TMEM108: variants seen among roughly 807,000 people sequenced by gnomAD.
TMEM108 encodes the protein transmembrane protein 108.
In TMEM108, 12 loss-of-function variants were observed where a neutral mutation model predicts 35.1. That is an observed-to-expected ratio of 0.34 (90% CI 0.22 to 0.55). The LOEUF (loss-of-function observed/expected upper bound fraction) is 0.55, where lower values mean the gene tolerates loss of function less well. TMEM108 is among the 20% of genes least tolerant of loss of function. The pLI, the probability that TMEM108 is intolerant of heterozygous loss-of-function variation, is 0.89. For synonymous variants in TMEM108, 287 were observed against 308.6 expected (o/e 0.93, Z 0.73); for missense variants, 680 against 753.3 (o/e 0.90, Z 1.14).
chr3:133,346,368 G>A lies in TMEM108; in HGVS notation c.41-33384G>A, dbSNP rs1039890260. Among the ~76,000 whole-genome samples, 5 of 152,006 alleles carry A rather than the reference G, an allele frequency of 3.3e-5. No individual in the cohort carries two copies. The highest frequency in any genetic ancestry group is 6.6e-5 in the Admixed American group (1 of 15,240). ...GGATTTTAGCCATTCTAATAGGTGT[G>A]TAGTGGTATCCCATTGTTGTTTTAA... On this transcript the variant is annotated intron_variant, in intron 3 of 5. Transcript: ENST00000321871. The surrounding 1 kb of genome is among the most constrained non-coding windows in gnomAD (Gnocchi z 4.0).
intron 4 of TMEM108, chr3:133,389,185 C>T (rs2073196602): frequency 1.0e-6 from 1 of 985,510 alleles, no homozygotes; most frequent in Non-Finnish European, 1.2e-6. Context: ...CAGAAGCCTT[C>T]CCTGCTCACA....
intron 1 of TMEM108, among the ~76,000 whole-genome samples, chr3:133,039,789 T>A (rs1943251018): frequency 6.6e-6 from 1 of 152,208 alleles, no homozygotes. Context: ...ACCTTGTCCC[T>A]TGGAGACATC....
intron 1 of TMEM108, chr3:133,041,892 A>G (rs916315515): frequency 6.6e-6 from 1 of 152,250 alleles, no homozygotes; most frequent in Admixed American, 6.5e-5. Flanking sequence ...TGAGAGTATT[A>G]GTAAAAATAA....
intron 2 of TMEM108, among the ~76,000 whole-genome samples, chr3:133,060,000 T>G (rs1943517698): frequency 6.6e-6 from 1 of 152,226 alleles, no homozygotes; most frequent in Non-Finnish European, 1.5e-5. Flanking sequence ...ACGTTAGCAT[T>G]TAAGCACATC....
intron 2 of TMEM108, among the ~76,000 whole-genome samples, chr3:133,163,329 A>G (rs1167455061): frequency 6.6e-6 from 1 of 152,200 alleles, no homozygotes; most frequent in Non-Finnish European, 1.5e-5. Context: ...AAGAGGCAGG[A>G]CAGAGTGGAA....
intron 2 of TMEM108, among the ~76,000 whole-genome samples, chr3:133,077,862 C>T (rs1469118464): frequency 1.3e-5 from 2 of 152,158 alleles, no homozygotes; most frequent in Admixed American, 1.3e-4. Flanking sequence ...TCCCTGAGCT[C>T]TTGCTCCCAG....
At chr3:133,085,573 C>A (rs1943871533) in intron 2 of TMEM108, among the ~76,000 whole-genome samples, 1 of 152,054 alleles carries the variant, frequency 6.6e-6, no homozygotes, top group Non-Finnish European at 1.5e-5. Context: ...ATGTTACAAT[C>A]AATTATAGTC....
intron 3 of TMEM108, among the ~76,000 whole-genome samples, chr3:133,345,120 AAACAC>A (rs1413110992): frequency 1.3e-5 from 2 of 151,872 alleles, no homozygotes; most frequent in Non-Finnish European, 3.0e-5. Flanking sequence ...TTGAAACCTT[AAACAC>A]ACACACATGC....
chr3:133,146,455 G>T (rs532198634), intron 2 of TMEM108, among the ~76,000 whole-genome samples: 2 of 152,190 alleles, frequency 1.3e-5, no homozygotes, highest in Non-Finnish European at 2.9e-5. Flanking sequence ...ACAGGTTTTG[G>T]TATCAGGATG....
intron 3 of TMEM108, among the ~76,000 whole-genome samples, chr3:133,375,131 T>A (rs1037232957): frequency 9.2e-5 from 14 of 152,254 alleles, no homozygotes; most frequent in Admixed American, 7.8e-4. Context: ...TTGAGCAGTG[T>A]ATAGTACATA....
intron 2 of TMEM108, among the ~76,000 whole-genome samples, chr3:133,145,307 T>G: frequency 6.6e-6 from 1 of 152,228 alleles, no homozygotes; most frequent in East Asian, 1.9e-4. Context: ...GCCTCTGTTT[T>G]GTTCCATTGG....
chr3:133,324,954 C>G lies in TMEM108; in HGVS notation c.41-54798C>G, dbSNP rs373571230. On this transcript the variant is annotated intron_variant, in intron 3 of 5. Coordinates refer to ENST00000321871, the MANE Select transcript of TMEM108 (RefSeq NM_023943.4). ...TCGCACCACTACACTCCAGCTTGGGCAACAGAGCAAGACTCCATCTCAGAA... is the reference window on the plus strand; with the variant it reads ...TCGCACCACTACACTCCAGCTTGGGGAACAGAGCAAGACTCCATCTCAGAA... 4.6e-5 allele frequency among the ~76,000 whole-genome samples: 7 copies of G among 152,150 alleles called. No individual in the cohort carries two copies. The East Asian group carries it at 1.4e-3, about 29-fold the overall frequency.
chr3:133,280,476 C>G (rs974466622), intron 3 of TMEM108, among the ~76,000 whole-genome samples: 4 of 152,236 alleles, frequency 2.6e-5, no homozygotes, highest in Admixed American at 1.3e-4. Context: ...CCCATTTTCC[C>G]ATTCCCTTCA....
chr3:133,381,297 C>A, intron 4 of TMEM108, 136 bp downstream of exon 4: 1 of 934,400 alleles, frequency 1.1e-6, no homozygotes, highest in Non-Finnish European at 1.6e-6. Flanking sequence ...AACTAGGTAT[C>A]AGGACAGGTT....
chr3:133,238,216 C>G (rs1053844548), intron 3 of TMEM108, among the ~76,000 whole-genome samples: 3 of 152,156 alleles, frequency 2.0e-5, no homozygotes, highest in African/African-American at 7.2e-5. Context: ...ATATTTAGCT[C>G]TGATTATACA....
chr3:133,380,178 C>T lies in TMEM108; in HGVS notation c.467C>T (p.Ala156Val), dbSNP rs754513900. 1.3e-5 allele frequency: 21 copies of T among 1,611,800 alleles called. No homozygotes were observed. Among genetic ancestry groups the T allele is most frequent in the Middle Eastern group, 1.6e-4 (1 of 6,072 alleles). Residue 156 changes from alanine (A) to valine (V), a missense_variant, in exon 4 of 6, where the codon GCG becomes GTG. Around this residue, in one of 3 missense-constraint regions of TMEM108, gnomAD observed 526 missense variants for 532.1 expected, o/e 0.99. Coordinates refer to ENST00000321871, the MANE Select transcript of TMEM108 (RefSeq NM_023943.4). This position sits in a 1 kb window ranked among gnomAD's most constrained non-coding sequence, Gnocchi z 5.3. ...PPGATSRPTT[A>V]PPRTTTRRPP... ...GGGGCCACCAGCCGCCCCACCACAGCGCCCCCCCGCACTACCACACGCAGG... is the reference window on the plus strand; with the variant it reads ...GGGGCCACCAGCCGCCCCACCACAGTGCCCCCCCGCACTACCACACGCAGG...
Position 133,203,882 on chromosome 3 carries a change from C to G in TMEM108, c.-46-25384C>G, listed in dbSNP as rs187108932. On this transcript the variant is annotated intron_variant, in intron 2 of 5. Transcript: ENST00000321871. ...TTCAGAAGGAATGGAAGCAGCTTTT[C>G]TTTATACCTCTGGTAAAATTCAGCT... 5.3e-5 allele frequency among the ~76,000 whole-genome samples: 8 copies of G among 152,264 alleles called. No individual in the cohort carries two copies. The East Asian group carries it at 1.3e-3, about 26-fold the overall frequency.
At chr3:133,076,067 C>A (rs1943739103) in intron 2 of TMEM108, among the ~76,000 whole-genome samples, 1 of 152,012 alleles carries the variant, frequency 6.6e-6, no homozygotes, top group Non-Finnish European at 1.5e-5. Flanking sequence ...AATGTGGGGA[C>A]CCTCGAGATT....
At chr3:133,339,978 A>C (rs1559912283) in intron 3 of TMEM108, among the ~76,000 whole-genome samples, 1 of 151,852 alleles carries the variant, frequency 6.6e-6, no homozygotes, top group East Asian at 1.9e-4. Flanking sequence ...TTATAGCTAT[A>C]AGTGCCTATA....
Sources: gnomAD v4.1 joint callset for allele counts (sites outside exome capture counted in the v4.1 genomes callset) on GRCh38, gnomAD v4.1.1 for gene constraint, gnomAD v4.1.1 regional missense constraint, Gnocchi (gnomAD v3.1) non-coding constraint, MANE v1.5 for transcripts, NCBI Gene and HGNC (gene_info 2026-07-23, HGNC 2026-07-21) for gene names.